Variants in RBMS2 observed in about 807,000 individuals in gnomAD.
RBMS2 encodes the protein RNA-binding motif, single-stranded-interacting protein 2.
RBMS2 carries 38 observed loss-of-function variants against 58.4 expected under a neutral mutation model. That is an observed-to-expected ratio of 0.65 (90% CI 0.50 to 0.85). The LOEUF (loss-of-function observed/expected upper bound fraction) is 0.85. Ranked by LOEUF, RBMS2 falls within the 40% of genes least tolerant of loss-of-function variation. The pLI is 0.00. For missense variants in RBMS2, 367 were observed against 503.7 expected (o/e 0.73, Z 2.60); for synonymous variants, 151 against 180.7 (o/e 0.84, Z 1.32).
chr12:56,584,453 A>G (rs1383604001), intron 9 of RBMS2, among the ~76,000 whole-genome samples: 1 of 151,690 alleles, frequency 6.6e-6, no homozygotes, highest in Non-Finnish European at 1.5e-5. Flanking sequence ...AAAAAAGTTT[A>G]AAATTTCTAT....
intron 1 of RBMS2, among the ~76,000 whole-genome samples, chr12:56,541,100 C>CAAAAAA (rs376084138): frequency 8.0e-6 from 1 of 125,116 alleles, no homozygotes. Flanking sequence ...GACCTTGACT[C>CAAAAAA]AAAAAAAAAA....
intron 1 of RBMS2, among the ~76,000 whole-genome samples, chr12:56,559,948 G>T (rs1412323466): frequency 1.7e-5 from 2 of 120,378 alleles, no homozygotes; most frequent in Non-Finnish European, 3.4e-5. Flanking sequence ...AGGCTGGAAT[G>T]CAGTGGCACG....
intron 1 of RBMS2, among the ~76,000 whole-genome samples, chr12:56,532,188 C>T (rs1346993042): frequency 6.6e-6 from 1 of 151,942 alleles, no homozygotes; most frequent in Non-Finnish European, 1.5e-5. Context: ...CGTTGTACTC[C>T]AGCCTGGGCT....
chr12:56,579,114 A>G (rs767090812), intron 5 of RBMS2, among the ~76,000 whole-genome samples: 21 of 152,152 alleles, frequency 1.4e-4, no homozygotes, highest in Non-Finnish European at 1.8e-4. Flanking sequence ...GAGAGGAGCT[A>G]TTGTAAGAGG....
At chr12:56,531,056 G>A (rs1873640386) in intron 1 of RBMS2, among the ~76,000 whole-genome samples, 1 of 152,118 alleles carries the variant, frequency 6.6e-6, no homozygotes, top group Admixed American at 6.6e-5. Context: ...CAGCCCCAGA[G>A]GGGACTGTTT....
intron 12 of RBMS2, 34 bp from the exon 13 acceptor site, chr12:56,588,898 C>T (rs200838736): frequency 2.7e-5 from 44 of 1,608,062 alleles, no homozygotes; most frequent in South Asian, 8.8e-5. Context: ...GAAAGGAATG[C>T]GCAAGATGAC....
intron 5 of RBMS2, among the ~76,000 whole-genome samples, chr12:56,572,097 T>A (rs1014832265): frequency 6.6e-6 from 1 of 152,026 alleles, no homozygotes; most frequent in Non-Finnish European, 1.5e-5. Context: ...GAGACCAGCC[T>A]GGCAAACATG....
At chr12:56,521,502 G>GTTTTTTTTTTTTTTTTTTTTTTTTTT (rs68129205), upstream of RBMS2, among the ~76,000 whole-genome samples, 13 of 73,158 alleles carry the variant, frequency 1.8e-4, 1 homozygote, top group African/African-American at 7.2e-4. Context: ...CTCTAACTCT[G>GTTTTTTTTTTTTTTTTTTTTTTTTTT]TTTTTTTTTT....
At position 56,594,559 on chromosome 12, in the gene RBMS2, G is replaced by A. The variant is rs1172943410; in HGVS notation, c.*5426G>A. The A allele has an allele frequency of 2.0e-5, 3 of 152,130 alleles. No homozygotes were observed. 9.4% of individuals were successfully genotyped at this position (152,130 alleles called of 1,614,324 possible). ...CTGCCTACATTTTCAATCCTCCCAC[G>A]CATTAGCAAATTCCTGAAATTTCCT... On this transcript the variant is annotated 3_prime_UTR_variant, in exon 14 of 14. Coordinates refer to ENST00000262031, the MANE Select transcript of RBMS2 (RefSeq NM_002898.4).
chr12:56,573,600 A>G (rs901118080), intron 5 of RBMS2, among the ~76,000 whole-genome samples: 7 of 151,692 alleles, frequency 4.6e-5, no homozygotes, highest in Non-Finnish European at 1.0e-4. Context: ...GAGAGTTCCT[A>G]GGCTTGGGAC....
Position 56,562,420 on chromosome 12 carries a change from T to C in RBMS2, c.70T>C (p.Tyr24His). Residue 24 changes from tyrosine (Y) to histidine (H), a missense_variant, in exon 2 of 14, where the codon TAT becomes CAT. Around this residue, in one of 3 missense-constraint regions of RBMS2, gnomAD observed 93 missense variants for 132.2 expected, o/e 0.70. Transcript: ENST00000262031. ...FGYNRNNKKP[Y>H]VSLAQQMAPP... ...TCTTCCTCATGTCTCCCTGCAGCCATATGTGTCATTGGCTCAGCAGATGGC... is the reference window on the plus strand; with the variant it reads ...TCTTCCTCATGTCTCCCTGCAGCCACATGTGTCATTGGCTCAGCAGATGGC... 2 of 1,601,130 alleles carry C rather than the reference T, an allele frequency of 1.2e-6. No homozygotes were observed. Among genetic ancestry groups the C allele is most frequent in the Non-Finnish European group, 1.7e-6 (2 of 1,168,286 alleles).
At chr12:56,543,314 C>T (rs1028598662) in intron 1 of RBMS2, among the ~76,000 whole-genome samples, 24 of 151,734 alleles carry the variant, frequency 1.6e-4, no homozygotes, top group Non-Finnish European at 2.2e-4. Context: ...GAAACCTCAT[C>T]GCTACTAAAA....
chr12:56,588,629 A>C, intron 12 of RBMS2: 1 of 585,664 alleles, frequency 1.7e-6, no homozygotes, highest in South Asian at 2.1e-5. Context: ...TAAAAAAAAA[A>C]CAACAGCAGA....
chr12:56,584,303 C>T (rs118163898), intron 9 of RBMS2, among the ~76,000 whole-genome samples: 2,110 of 151,792 alleles, frequency 0.014, 29 homozygotes, highest in Admixed American at 0.033. Context: ...TGAGGTGGTG[C>T]GTGCCTGTAA....
upstream of RBMS2, among the ~76,000 whole-genome samples, chr12:56,521,320 C>T (rs1393621948): frequency 6.6e-6 from 1 of 151,566 alleles, no homozygotes; most frequent in Non-Finnish European, 1.5e-5. Context: ...ATCCCAGCTA[C>T]TCGAGAGGCT....
rs1292055711 is a variant in RBMS2 at position 56,590,526 on chromosome 12, G to C, written c.*1393G>C. 1 of 152,194 alleles carries C rather than the reference G, an allele frequency of 6.6e-6. No individual in the cohort carries two copies. Among genetic ancestry groups the C allele is most frequent in the African/African-American group, 2.4e-5 (1 of 41,402 alleles). 9.4% of individuals were successfully genotyped at this position (152,194 alleles called of 1,614,324 possible). A position where few individuals can be genotyped will look rare whatever the true frequency, so the allele number is the denominator to read the frequency against. On this transcript the variant is annotated 3_prime_UTR_variant, in exon 14 of 14. Transcript: ENST00000262031. ...CAGGGGTCAATATTGCCAAGACTGG[G>C]AAACACTGATATAGACAGTGTTGTC...
At chr12:56,575,017 G>A (rs557444779) in intron 5 of RBMS2, among the ~76,000 whole-genome samples, 2 of 151,782 alleles carry the variant, frequency 1.3e-5, no homozygotes, top group South Asian at 2.1e-4. Flanking sequence ...GCGTGGTGGC[G>A]GGCGCCTGTA....
Position 56,590,548 on chromosome 12 carries a change from T to C in RBMS2, c.*1415T>C, listed in dbSNP as rs1885232588. ...TGGGAAACACTGATATAGACAGTGT[T>C]GTCCCTGCCTCCTGGGTTAGGGTAA... On this transcript the variant is annotated 3_prime_UTR_variant, in exon 14 of 14. Coordinates refer to ENST00000262031, the MANE Select transcript of RBMS2 (RefSeq NM_002898.4). 6.6e-6 allele frequency: 1 copy of C among 152,198 alleles called. No individual in the cohort carries two copies. The highest frequency in any genetic ancestry group is 2.4e-5 in the African/African-American group (1 of 41,450). 9.4% of individuals were successfully genotyped at this position (152,198 alleles called of 1,614,324 possible).
chr12:56,587,003 C>T (rs529361524), intron 10 of RBMS2, 77 bp downstream of exon 10: 55 of 1,418,264 alleles, frequency 3.9e-5, no homozygotes, highest in South Asian at 2.6e-4. Context: ...CTGTGGCTCA[C>T]GCCTGTAATC....
Sources: allele counts gnomAD v4.1 joint callset (sites outside exome capture counted in the v4.1 genomes callset), GRCh38; gene constraint gnomAD v4.1.1; regional missense constraint gnomAD v4.1.1; transcripts MANE v1.5; gene names NCBI Gene and HGNC (gene_info 2026-07-23, HGNC 2026-07-21).